Variants in DENND10 observed in about 807,000 individuals in gnomAD.
DENND10 encodes DENN domain-containing protein 10.
In DENND10, 24 loss-of-function variants were observed where a neutral mutation model predicts 43.6. The observed-to-expected ratio is 0.55, with a 90% confidence interval of 0.40 to 0.77. The LOEUF (loss-of-function observed/expected upper bound fraction) is 0.77. DENND10 is among the 30% of genes least tolerant of loss of function. The pLI is 0.00. For missense variants in DENND10, 303 were observed against 429.9 expected (o/e 0.70, Z 2.61); for synonymous variants, 125 against 157.6 (o/e 0.79, Z 1.55).
chr10:119,133,406 G>A (rs770428256), intron 8 of DENND10: 3 of 152,214 alleles, frequency 2.0e-5, no homozygotes, highest in Non-Finnish European at 2.9e-5. Context: ...TTACTCATTC[G>A]GCCCAACCTG....
intron 6 of DENND10, among the ~76,000 whole-genome samples, chr10:119,127,646 T>C (rs1339943929): frequency 1.5e-5 from 1 of 66,778 alleles, no homozygotes; most frequent in African/African-American, 3.7e-5. Flanking sequence ...GCCCAGCTAA[T>C]TTTTTTTTTT....
intron 8 of DENND10, chr10:119,133,624 A>C (rs2133537328): frequency 6.6e-6 from 1 of 152,366 alleles, no homozygotes; most frequent in East Asian, 1.9e-4. Context: ...GAGGTGGAGA[A>C]TATTGGGGGA....
At chr10:119,125,849 T>A (rs1190196777) in intron 6 of DENND10, among the ~76,000 whole-genome samples, 1 of 152,108 alleles carries the variant, frequency 6.6e-6, no homozygotes, top group Non-Finnish European at 1.5e-5. Context: ...TACAATAAAC[T>A]ATCATTCACT....
chr10:119,134,169 CACTGGGATT>C (rs1177072020), intron 8 of DENND10: 1 of 150,066 alleles, frequency 6.7e-6, no homozygotes, highest in Non-Finnish European at 1.5e-5. Context: ...ACGTAGCAGG[CACTGGGATT>C]ACAGGGGCCT....
In DENND10 at chr10:119,117,581, AG is replaced by A; in HGVS notation, c.399del (p.Ile134TyrfsTer44). 2 of 1,613,252 alleles carry A rather than the reference AG, an allele frequency of 1.2e-6. No individual in the cohort carries two copies. The highest frequency in any genetic ancestry group is 1.7e-6 in the Non-Finnish European group (2 of 1,179,514). ...GAGAGTTATATTGCAGTTCTCACAA[AG>A]GGGATATGCCAGAGTGAAGAAAACG... ...MMESYIAVLTKGICQSEENGS... is the reference protein window; with the variant it reads ...MMESYIAVLTXGICQSEENGS... On this transcript the variant is annotated frameshift_variant, in exon 4 of 9. Transcript: ENST00000361432. LOFTEE classifies it high-confidence loss of function.
At chr10:119,133,643 C>G (rs1216163279) in intron 8 of DENND10, 1 of 152,226 alleles carries the variant, frequency 6.6e-6, no homozygotes, top group Admixed American at 6.6e-5. Context: ...GATGGGTAGG[C>G]CAGATCTCTA....
In DENND10 at chr10:119,132,580, C is replaced by T. The variant is rs960009811; in HGVS notation, c.868C>T (p.Pro290Ser). 2.5e-6 allele frequency: 4 copies of T among 1,614,004 alleles called. No individual in the cohort carries two copies. The highest frequency in any genetic ancestry group is 1.7e-5 in the Admixed American group (1 of 59,986). ...GQLIVQSAED[P>S]EKSESHVIQD... ...GCTAATTGTTCAGTCTGCAGAAGAT[C>T]CAGAGAAATCAGAGAGCCACGTTAT... Residue 290 changes from proline to serine, a missense_variant, in exon 8 of 9, where the codon CCA becomes TCA. By Grantham distance (74) the Pro-to-Ser change is moderately conservative. Coordinates refer to ENST00000361432, the MANE Select transcript of DENND10 (RefSeq NM_207009.4). The surrounding 1 kb of genome is among the most constrained non-coding windows in gnomAD (Gnocchi z 4.2).
Position 119,136,884 on chromosome 10 carries a change from C to T in DENND10, c.*237C>T. Reference sequence around the variant, plus strand: ...AGTGCTGGACGAAGTGCTATAACTACTTTATGTAACATTACAGAACAGCTA... The same window carrying T: ...AGTGCTGGACGAAGTGCTATAACTATTTTATGTAACATTACAGAACAGCTA... On this transcript the variant is annotated 3_prime_UTR_variant, in exon 9 of 9. Coordinates refer to ENST00000361432, the MANE Select transcript of DENND10 (RefSeq NM_207009.4). The T allele has an allele frequency of 2.5e-6, 1 of 400,062 alleles. No individual in the cohort carries two copies. Among genetic ancestry groups the T allele is most frequent in the Non-Finnish European group, 4.7e-6 (1 of 214,384 alleles). 24.8% of individuals were successfully genotyped at this position (400,062 alleles called of 1,614,324 possible).
At chr10:119,127,427 C>T (rs1042916513) in intron 6 of DENND10, among the ~76,000 whole-genome samples, 1 of 152,008 alleles carries the variant, frequency 6.6e-6, no homozygotes, top group Non-Finnish European at 1.5e-5. Context: ...GGGTCTGGCT[C>T]TCAGTAGTAG....
chr10:119,116,922 C>T (rs1463106531), intron 3 of DENND10, among the ~76,000 whole-genome samples: 1 of 151,088 alleles, frequency 6.6e-6, no homozygotes, highest in African/African-American at 2.4e-5. Flanking sequence ...TCAGGTGATT[C>T]GCCTGCTTTG....
intron 3 of DENND10, chr10:119,114,561 A>C (rs568405093): frequency 1.3e-5 from 2 of 152,328 alleles, no homozygotes; most frequent in East Asian, 3.9e-4. Flanking sequence ...ACTTGCAGTC[A>C]GCTGTACAGG....
chr10:119,116,989 T>C (rs1405627729), intron 3 of DENND10, among the ~76,000 whole-genome samples: 1 of 152,050 alleles, frequency 6.6e-6, no homozygotes, highest in African/African-American at 2.4e-5. Flanking sequence ...TGCTTTTTCT[T>C]TGAAATATAT....
chr10:119,113,413 G>A lies in DENND10; in HGVS notation c.332+1485G>A, dbSNP rs956058311. 2.6e-5 allele frequency among the ~76,000 whole-genome samples: 4 copies of A among 151,538 alleles called. No homozygotes were observed. In the East Asian group the frequency reaches 7.8e-4, roughly 29 times the overall value. On this transcript the variant is annotated intron_variant, in intron 3 of 8. Transcript: ENST00000361432. The stretch of plus-strand genomic sequence containing the variant: ...TGGTCTTACTATGTTGCCCAGGCTG[G>A]TCTTGAACTCCTGGGGTCAAGTGAT...
intron 7 of DENND10, among the ~76,000 whole-genome samples, chr10:119,131,697 T>C (rs1268158666): frequency 6.6e-6 from 1 of 152,246 alleles, no homozygotes; most frequent in Non-Finnish European, 1.5e-5. Flanking sequence ...AATAGAACCA[T>C]AACTGGCTTT....
chr10:119,130,933 C>G (rs1564799912), intron 7 of DENND10, among the ~76,000 whole-genome samples: 1 of 152,178 alleles, frequency 6.6e-6, no homozygotes, highest in Non-Finnish European at 1.5e-5. Flanking sequence ...TTGTTAGAAG[C>G]AAATCACTAA....
At chr10:119,114,893 C>T (rs1845172890) in intron 3 of DENND10, among the ~76,000 whole-genome samples, 1 of 151,932 alleles carries the variant, frequency 6.6e-6, no homozygotes, top group African/African-American at 2.4e-5. Flanking sequence ...CTGCAGCCTC[C>T]CAAGTAGTGG....
At chr10:119,113,038 A>AG (rs1458653071) in intron 3 of DENND10, among the ~76,000 whole-genome samples, 1 of 150,674 alleles carries the variant, frequency 6.6e-6, no homozygotes, top group East Asian at 2.0e-4. Flanking sequence ...TTTAGTAGAG[A>AG]GGGGGTTTTG....
chr10:119,113,597 G>A (rs984058678), intron 3 of DENND10, among the ~76,000 whole-genome samples: 29 of 151,798 alleles, frequency 1.9e-4, no homozygotes, highest in African/African-American at 7.0e-4. Flanking sequence ...GGGCACTGAG[G>A]GTGAAGGGAA....
chr10:119,110,393 A>G (rs1844920863), intron 2 of DENND10, among the ~76,000 whole-genome samples: 1 of 152,028 alleles, frequency 6.6e-6, no homozygotes, highest in African/African-American at 2.4e-5. Context: ...ATTTTGTCTC[A>G]TTAGTGGAAA....
Sources: gnomAD v4.1 joint callset for allele counts (sites outside exome capture counted in the v4.1 genomes callset) on GRCh38, gnomAD v4.1.1 for gene constraint, Gnocchi (gnomAD v3.1) non-coding constraint, MANE v1.5 for transcripts, NCBI Gene and HGNC (gene_info 2026-07-23, HGNC 2026-07-21) for gene names.